DIS3L2: variants seen among roughly 807,000 people sequenced by gnomAD.
The protein encoded by DIS3L2 is DIS3 like 3'-5' exoribonuclease 2, also known as DIS3-like exonuclease 2.
Under a neutral mutation model 97.5 loss-of-function variants are expected in DIS3L2, and 34 were observed. The observed-to-expected ratio is 0.35, with a 90% CI of 0.27 to 0.46. The LOEUF (loss-of-function observed/expected upper bound fraction) is 0.46, where lower values mean the gene tolerates loss of function less well. Ranked by LOEUF, DIS3L2 falls within the 20% of genes least tolerant of loss-of-function variation. The probability of loss-of-function intolerance (pLI) is 1.00; values close to 1 mark genes in which losing one functional copy is unlikely to be tolerated. For synonymous variants in DIS3L2, 435 were observed against 445.2 expected (o/e 0.98, Z 0.29); for missense variants, 1,038 against 1,146.0 (o/e 0.91, Z 1.36).
At chr2:232,173,926 C>T (rs1228973060) in intron 9 of DIS3L2, among the ~76,000 whole-genome samples, 1 of 152,036 alleles carries the variant, frequency 6.6e-6, no homozygotes, top group Admixed American at 6.6e-5. Flanking sequence ...ATTCTGGGTT[C>T]TTTGCATTGC....
intron 8 of DIS3L2, among the ~76,000 whole-genome samples, chr2:232,154,352 T>C (rs1690415326): frequency 2.0e-4 from 2 of 10,062 alleles, no homozygotes; most frequent in East Asian, 2.5e-3. Context: ...TTTTGGTCTT[T>C]GATGATGGTG....
chr2:232,050,650 A>T (rs1465869525), intron 5 of DIS3L2, among the ~76,000 whole-genome samples: 1 of 152,108 alleles, frequency 6.6e-6, no homozygotes, highest in East Asian at 1.9e-4. Flanking sequence ...ATAGATCTTT[A>T]TGTAGTTTCC....
At chr2:232,335,490 T>TC (rs1208843584) in intron 19 of DIS3L2, 1 of 442,278 alleles carries the variant, frequency 2.3e-6, no homozygotes, top group Non-Finnish European at 4.1e-6. Flanking sequence ...CAGTTCTCTG[T>TC]CCCCACCTCA....
At chr2:232,235,088 A>G (rs1049648459) in intron 10 of DIS3L2, among the ~76,000 whole-genome samples, 2 of 152,170 alleles carry the variant, frequency 1.3e-5, no homozygotes, top group African/African-American at 4.8e-5. Flanking sequence ...CATTCAAAGG[A>G]GTGTTTGTAC....
chr2:232,092,083 A>G, intron 6 of DIS3L2, among the ~76,000 whole-genome samples: 1 of 152,168 alleles, frequency 6.6e-6, no homozygotes, highest in South Asian at 2.1e-4. Context: ...GTGAGAAGAG[A>G]TAGGAGTCTA....
At chr2:232,155,183 G>C (rs934165135) in intron 8 of DIS3L2, among the ~76,000 whole-genome samples, 3 of 148,520 alleles carry the variant, frequency 2.0e-5, no homozygotes, top group Non-Finnish European at 4.4e-5. Flanking sequence ...CACGCTGGGA[G>C]CTGTAGACCG....
At chr2:232,278,449 G>C (rs540446382) in intron 13 of DIS3L2, among the ~76,000 whole-genome samples, 1 of 151,932 alleles carries the variant, frequency 6.6e-6, no homozygotes, top group African/African-American at 2.4e-5. Flanking sequence ...AAATTCCCAC[G>C]TGCCCCTCTG....
chr2:232,027,150 CTCAT>C (rs1694682416), intron 4 of DIS3L2, among the ~76,000 whole-genome samples: 1 of 152,134 alleles, frequency 6.6e-6, no homozygotes, highest in African/African-American at 2.4e-5. Flanking sequence ...CAACAGATTA[CTCAT>C]ACATAAAGCC....
At chr2:232,124,516 A>G (rs1559653191) in intron 6 of DIS3L2, among the ~76,000 whole-genome samples, 1 of 152,194 alleles carries the variant, frequency 6.6e-6, no homozygotes, top group Non-Finnish European at 1.5e-5. Context: ...ACTGGAAGAG[A>G]GTAAGAAAAA....
At chr2:232,137,511 C>T (rs555344145) in intron 8 of DIS3L2, among the ~76,000 whole-genome samples, 18 of 152,310 alleles carry the variant, frequency 1.2e-4, no homozygotes, top group Middle Eastern at 6.8e-3. Context: ...TACTTTTAGT[C>T]TAGTTTAATG....
At chr2:232,141,336 C>T (rs3116173) in intron 8 of DIS3L2, among the ~76,000 whole-genome samples, 69,950 of 152,012 alleles carry the variant, frequency 0.46, 18,735 homozygotes, top group Non-Finnish European at 0.61. Flanking sequence ...AAACGTTTTA[C>T]AGCAGCTACC....
At chr2:232,000,738 T>A (rs925895886) in intron 1 of DIS3L2, among the ~76,000 whole-genome samples, 3 of 147,496 alleles carry the variant, frequency 2.0e-5, no homozygotes, top group African/African-American at 7.5e-5. Flanking sequence ...TTTTTTTTTT[T>A]TTTTTTTAAG....
rs1331018168 is a variant in DIS3L2 at position 232,325,104 on chromosome 2, T to C, written c.1740-4709T>C. 1.3e-5 allele frequency among the ~76,000 whole-genome samples: 2 copies of C among 152,216 alleles called. No homozygotes were observed. The highest frequency in any genetic ancestry group is 2.9e-5 in the Non-Finnish European group (2 of 68,034). On this transcript the variant is annotated intron_variant, in intron 14 of 20. Transcript: ENST00000325385. This position sits in a 1 kb window ranked among gnomAD's most constrained non-coding sequence, Gnocchi z 4.6. ...GCTTCCTCTGAAGAGCAGATCGCTT[T>C]ACCCCTTTCTCATCTCATCACCTCT...
chr2:232,221,219 A>G (rs964653192), intron 10 of DIS3L2, among the ~76,000 whole-genome samples: 2 of 152,234 alleles, frequency 1.3e-5, no homozygotes, highest in Non-Finnish European at 2.9e-5. Context: ...ATCAGGTGAC[A>G]GTTTAAAAAT....
chr2:232,026,669 G>A (rs772689991), intron 4 of DIS3L2, among the ~76,000 whole-genome samples: 1 of 152,068 alleles, frequency 6.6e-6, no homozygotes, highest in African/African-American at 2.4e-5. Flanking sequence ...GGTTGTGGCT[G>A]GAGCAGGGCC....
chr2:232,329,785 T>TGCCCGGGGGGGGCCCCCCCC, intron 14 of DIS3L2, 28 bp from the exon 15 acceptor site: 2 of 967,126 alleles, frequency 2.1e-6, no homozygotes, highest in Non-Finnish European at 2.9e-6. Flanking sequence ...ACCCCAGCGG[T>TGCCCGGGGGGGGCCCCCCCC]CCCTCCCATC....
chr2:232,170,249 A>G (rs1690945765), intron 9 of DIS3L2, among the ~76,000 whole-genome samples: 2 of 152,224 alleles, frequency 1.3e-5, no homozygotes, highest in East Asian at 1.9e-4. Context: ...AATTTCATTC[A>G]TATTGTTTTG....
At chr2:232,158,306 C>CATGTGTGTGT (rs368545845) in intron 8 of DIS3L2, among the ~76,000 whole-genome samples, 3,860 of 150,560 alleles carry the variant, frequency 0.026, 75 homozygotes, top group African/African-American at 0.046. Flanking sequence ...TCCTTTATAT[C>CATGTGTGTGT]GTGTGTGTGT....
At chr2:232,312,633 T>G (rs1341760770) in intron 14 of DIS3L2, among the ~76,000 whole-genome samples, 1 of 152,242 alleles carries the variant, frequency 6.6e-6, no homozygotes, top group Non-Finnish European at 1.5e-5. Flanking sequence ...GCCACATACA[T>G]GCACACAAAC....
Sources: gnomAD v4.1 joint callset for allele counts (sites outside exome capture counted in the v4.1 genomes callset) on GRCh38, gnomAD v4.1.1 for gene constraint, Gnocchi (gnomAD v3.1) non-coding constraint, MANE v1.5 for transcripts, NCBI Gene and HGNC (gene_info 2026-07-23, HGNC 2026-07-21) for gene names.